CRYBG1: variants seen among roughly 807,000 people sequenced by gnomAD.
CRYBG1 encodes the protein beta/gamma crystallin domain-containing protein 1.
CRYBG1 carries 139 observed loss-of-function variants against 189.2 expected under a neutral mutation model. The observed-to-expected ratio is 0.73, with a 90% confidence interval of 0.64 to 0.85. The LOEUF (loss-of-function observed/expected upper bound fraction) is 0.85. Ranked by LOEUF, CRYBG1 falls within the 40% of genes least tolerant of loss-of-function variation. The probability of loss-of-function intolerance (pLI) is 0.00; values close to 1 mark genes in which losing one functional copy is unlikely to be tolerated. For synonymous variants in CRYBG1, 1,023 were observed against 1,017.1 expected, an observed-to-expected ratio of 1.01 and a Z score of -0.11; for missense variants, 2,611 against 2,675.8, an observed-to-expected ratio of 0.98 and a Z score of 0.53.
intron 1 of CRYBG1, among the ~76,000 whole-genome samples, chr6:106,375,425 A>AAGCAAG (rs374045932): frequency 8.3e-6 from 1 of 120,362 alleles, no homozygotes; most frequent in Non-Finnish European, 1.7e-5. Flanking sequence ...AAGTAAGTAA[A>AAGCAAG]TAAATAAATA....
chr6:106,411,727 G>C (rs1301565272), intron 1 of CRYBG1, among the ~76,000 whole-genome samples: 2 of 152,148 alleles, frequency 1.3e-5, no homozygotes, highest in Non-Finnish European at 2.9e-5. Flanking sequence ...CGTCCAATCT[G>C]AAACCCTCAA....
chr6:106,554,962 C>T (rs563061946), intron 16 of CRYBG1, among the ~76,000 whole-genome samples: 33 of 152,128 alleles, frequency 2.2e-4, no homozygotes, highest in Non-Finnish European at 3.2e-4. Flanking sequence ...GTCAGGATTT[C>T]GAGACCAGTC....
At chr6:106,442,181 AG>A (rs1771577697) in intron 1 of CRYBG1, among the ~76,000 whole-genome samples, 1 of 152,256 alleles carries the variant, frequency 6.6e-6, no homozygotes. Context: ...GTTTGATACA[AG>A]GAAGAGTTAC....
chr6:106,511,504 AAGG>A lies in CRYBG1; in HGVS notation c.390_392del (p.Arg132del). 2 of 1,535,664 alleles carry A rather than the reference AAGG, an allele frequency of 1.3e-6. No individual in the cohort carries two copies. Among genetic ancestry groups the A allele is most frequent in the Non-Finnish European group, 1.7e-6 (2 of 1,146,532 alleles). ...AACTTGGCACTCTATTCACTGCAGGAAGGAGAAGAAACAGTAGAAACGGGTTAG... is the reference window on the plus strand; with the variant it reads ...AACTTGGCACTCTATTCACTGCAGGAAGAAGAAACAGTAGAAACGGGTTAG... On this transcript the variant is annotated inframe_deletion, in exon 3 of 22. Transcript: ENST00000633556.
chr6:106,434,073 C>T (rs1771404233), intron 1 of CRYBG1, among the ~76,000 whole-genome samples: 1 of 151,918 alleles, frequency 6.6e-6, no homozygotes, highest in Non-Finnish European at 1.5e-5. Context: ...CAAGTTCACA[C>T]ATGAGGCTGT....
chr6:106,415,658 G>A (rs911381928), intron 1 of CRYBG1, among the ~76,000 whole-genome samples: 5 of 152,158 alleles, frequency 3.3e-5, no homozygotes, highest in East Asian at 1.9e-4. Context: ...TCTGGGAGGC[G>A]GAGGTTGCAG....
chr6:106,422,336 A>ATTTT (rs1249392678), intron 1 of CRYBG1, among the ~76,000 whole-genome samples: 69 of 100,766 alleles, frequency 6.8e-4, no homozygotes, highest in Non-Finnish European at 1.2e-3. Flanking sequence ...TTATTTATTT[A>ATTTT]TTTATTTATT....
At chr6:106,498,523 A>T (rs185871335) in intron 2 of CRYBG1, among the ~76,000 whole-genome samples, 72 of 152,344 alleles carry the variant, frequency 4.7e-4, no homozygotes, top group African/African-American at 1.6e-3. Flanking sequence ...GTGATACGTT[A>T]AAAATAATAT....
At chr6:106,499,582 G>T (rs1484037422) in intron 2 of CRYBG1, among the ~76,000 whole-genome samples, 4 of 151,862 alleles carry the variant, frequency 2.6e-5, no homozygotes, top group Non-Finnish European at 5.9e-5. Context: ...CGTTGTAATT[G>T]TATACATTGT....
At chr6:106,546,728 A>G (rs912416331) in intron 13 of CRYBG1, among the ~76,000 whole-genome samples, 1 of 152,190 alleles carries the variant, frequency 6.6e-6, no homozygotes, top group Non-Finnish European at 1.5e-5. Flanking sequence ...TCTGAAATAT[A>G]AGGTACAAGT....
intron 2 of CRYBG1, among the ~76,000 whole-genome samples, chr6:106,509,355 A>G (rs1470123862): frequency 3.9e-5 from 6 of 152,212 alleles, no homozygotes; most frequent in Non-Finnish European, 1.5e-5. Flanking sequence ...AAATAATCCA[A>G]ATGTTTCCTT....
At chr6:106,449,799 T>C (rs912255827) in intron 1 of CRYBG1, among the ~76,000 whole-genome samples, 2 of 152,238 alleles carry the variant, frequency 1.3e-5, no homozygotes, top group Non-Finnish European at 2.9e-5. Flanking sequence ...ATATATGGCA[T>C]AATATATTGT....
At chr6:106,562,144 A>C (rs181626149) in intron 20 of CRYBG1, among the ~76,000 whole-genome samples, 152 of 152,254 alleles carry the variant, frequency 1.0e-3, no homozygotes, top group African/African-American at 3.6e-3. Context: ...AAAAACCAAA[A>C]AAAACCTGGT....
chr6:106,539,703 TAAAAAA>T (rs11366105), intron 9 of CRYBG1, among the ~76,000 whole-genome samples, 174 bp downstream of exon 9: 1 of 143,224 alleles, frequency 7.0e-6, no homozygotes, highest in Non-Finnish European at 1.5e-5. Context: ...TGCTATAGAT[TAAAAAA>T]AAAAAAAAAA....
At chr6:106,543,759 A>G (rs954744395) in intron 11 of CRYBG1, among the ~76,000 whole-genome samples, 162 bp downstream of exon 11, 18 of 152,194 alleles carry the variant, frequency 1.2e-4, no homozygotes, top group South Asian at 2.1e-4. Flanking sequence ...GGATTTAAGA[A>G]AGCAGTTTGA....
chr6:106,542,267 G>A (rs1774149052), intron 10 of CRYBG1, among the ~76,000 whole-genome samples: 1 of 137,056 alleles, frequency 7.3e-6, no homozygotes, highest in Admixed American at 7.9e-5. Context: ...TATCTTATCA[G>A]ATGCCATTAT....
At chr6:106,470,788 C>A (rs375161882) in intron 2 of CRYBG1, among the ~76,000 whole-genome samples, 2 of 152,230 alleles carry the variant, frequency 1.3e-5, no homozygotes, top group Admixed American at 6.5e-5. Flanking sequence ...TACCATGAAG[C>A]ATCTTTAGAG....
intron 2 of CRYBG1, among the ~76,000 whole-genome samples, chr6:106,508,078 A>G (rs1392608814): frequency 6.6e-6 from 1 of 152,196 alleles, no homozygotes; most frequent in African/African-American, 2.4e-5. Context: ...GAAACTCTCT[A>G]CAAAAAAGTT....
At chr6:106,448,712 G>A (rs923595873) in intron 1 of CRYBG1, among the ~76,000 whole-genome samples, 44 of 152,262 alleles carry the variant, frequency 2.9e-4, no homozygotes, top group Non-Finnish European at 2.5e-4. Context: ...AATGCACATC[G>A]ACATCCATTT....
Sources: gnomAD v4.1 joint callset for allele counts (sites outside exome capture counted in the v4.1 genomes callset) on GRCh38, gnomAD v4.1.1 for gene constraint, MANE v1.5 for transcripts, NCBI Gene and HGNC (gene_info 2026-07-23, HGNC 2026-07-21) for gene names.